SLC25A21: variants seen among roughly 807,000 people sequenced by gnomAD.
The protein encoded by SLC25A21 is solute carrier family 25 member 21.
A neutral mutation model predicts 43.8 loss-of-function variants in SLC25A21; 47 were observed. That is an observed-to-expected ratio of 1.07 (90% CI 0.85 to 1.37). The LOEUF (loss-of-function observed/expected upper bound fraction) is 1.37. SLC25A21 is among the 40% of genes most tolerant of loss of function. SLC25A21 has a pLI of 0.00. For missense variants in SLC25A21, 352 were observed against 350.2 expected (o/e 1.00, Z -0.04); for synonymous variants, 131 against 121.3 (o/e 1.08, Z -0.52).
At chr14:36,919,733 C>T (rs1360433826) in intron 1 of SLC25A21, among the ~76,000 whole-genome samples, 1 of 151,854 alleles carries the variant, frequency 6.6e-6, no homozygotes. Flanking sequence ...ACTCAAGAGG[C>T]TGAAGAACAG....
At chr14:37,099,744 T>A (rs1269656669) in intron 1 of SLC25A21, among the ~76,000 whole-genome samples, 1 of 152,148 alleles carries the variant, frequency 6.6e-6, no homozygotes, top group Non-Finnish European at 1.5e-5. Context: ...ATCTTTAACC[T>A]TCGCATTGAG....
chr14:37,150,240 C>G (rs1241880935), intron 1 of SLC25A21, among the ~76,000 whole-genome samples: 1 of 152,038 alleles, frequency 6.6e-6, no homozygotes, highest in East Asian at 1.9e-4. Context: ...CTTTGAAAAA[C>G]AAAATTATGG....
At chr14:36,929,576 G>A (rs951994524) in intron 1 of SLC25A21, among the ~76,000 whole-genome samples, 3 of 152,050 alleles carry the variant, frequency 2.0e-5, no homozygotes, top group African/African-American at 4.8e-5. Context: ...GATAGGAATC[G>A]CATGGTTCGA....
At chr14:36,869,017 TC>T (rs1890292748) in intron 2 of SLC25A21, among the ~76,000 whole-genome samples, 1 of 152,158 alleles carries the variant, frequency 6.6e-6, no homozygotes, top group Non-Finnish European at 1.5e-5. Context: ...CACCACCTTC[TC>T]CCTTTGTCCC....
At chr14:37,165,813 C>G (rs1964020481) in intron 1 of SLC25A21, among the ~76,000 whole-genome samples, 2 of 152,060 alleles carry the variant, frequency 1.3e-5, no homozygotes, top group Non-Finnish European at 2.9e-5. Flanking sequence ...TAAGAACTAC[C>G]CCGTGGTCTT....
intron 3 of SLC25A21, among the ~76,000 whole-genome samples, chr14:36,740,206 T>C (rs1217867040): frequency 2.6e-5 from 4 of 152,356 alleles, no homozygotes; most frequent in Non-Finnish European, 2.9e-5. Context: ...ATAAGGAAGC[T>C]GTGAGAACTA....
chr14:36,697,205 T>G (rs1363784912), intron 7 of SLC25A21, among the ~76,000 whole-genome samples: 1 of 152,246 alleles, frequency 6.6e-6, no homozygotes, highest in Non-Finnish European at 1.5e-5. Context: ...TCAGTTTCCA[T>G]GTACTTGTGC....
chr14:36,789,874 A>G (rs1463662166), intron 3 of SLC25A21, among the ~76,000 whole-genome samples: 1 of 108,906 alleles, frequency 9.2e-6, no homozygotes, highest in South Asian at 2.6e-4. Context: ...AAAATATATT[A>G]TATATTTATA....
intron 2 of SLC25A21, among the ~76,000 whole-genome samples, chr14:36,872,473 G>A (rs1176707207): frequency 6.6e-6 from 1 of 152,148 alleles, no homozygotes; most frequent in Admixed American, 6.5e-5. Flanking sequence ...CCACATGTGA[G>A]TCTGCTCCTG....
At chr14:37,166,950 C>A (rs1285068974) in intron 1 of SLC25A21, among the ~76,000 whole-genome samples, 1 of 152,042 alleles carries the variant, frequency 6.6e-6, no homozygotes, top group Non-Finnish European at 1.5e-5. Context: ...GTTAAGAAAA[C>A]CTGATGAATC....
intron 1 of SLC25A21, among the ~76,000 whole-genome samples, chr14:37,053,171 T>G (rs1240643755): frequency 1.3e-5 from 2 of 152,342 alleles, no homozygotes; most frequent in Non-Finnish European, 2.9e-5. Flanking sequence ...CAATGTTTTA[T>G]ATCCTATGAA....
At chr14:36,984,877 G>A (rs923715074) in intron 1 of SLC25A21, among the ~76,000 whole-genome samples, 1 of 151,620 alleles carries the variant, frequency 6.6e-6, no homozygotes, top group Non-Finnish European at 1.5e-5. Flanking sequence ...ACATGCTCAC[G>A]TATGTTTATT....
intron 7 of SLC25A21, among the ~76,000 whole-genome samples, chr14:36,708,695 C>A (rs1051384224): frequency 6.6e-6 from 1 of 151,344 alleles, no homozygotes; most frequent in African/African-American, 2.4e-5. Context: ...CCTCAGCCTG[C>A]AGAGTAGTTG....
intron 1 of SLC25A21, among the ~76,000 whole-genome samples, chr14:37,119,118 T>C (rs1371953785): frequency 2.0e-5 from 3 of 152,116 alleles, no homozygotes; most frequent in Non-Finnish European, 4.4e-5. Context: ...ACTGGCGCCA[T>C]GACAGTTTAC....
intron 1 of SLC25A21, among the ~76,000 whole-genome samples, chr14:36,933,214 T>C (rs942846640): frequency 8.5e-5 from 13 of 152,312 alleles, no homozygotes; most frequent in African/African-American, 3.1e-4. Context: ...ATATACAGTC[T>C]GTGTCTATAA....
At chr14:37,108,169 G>A (rs1384810485) in intron 1 of SLC25A21, among the ~76,000 whole-genome samples, 1 of 152,156 alleles carries the variant, frequency 6.6e-6, no homozygotes, top group African/African-American at 2.4e-5. Flanking sequence ...TAAATGTACG[G>A]TGCAGTATTT....
intron 1 of SLC25A21, among the ~76,000 whole-genome samples, chr14:37,063,726 A>T (rs1962000621): frequency 6.6e-6 from 1 of 152,136 alleles, no homozygotes; most frequent in South Asian, 2.1e-4. Flanking sequence ...GGCCTCCTGG[A>T]AGAAAAATCT....
chr14:36,983,318 C>T (rs1057414484), intron 1 of SLC25A21, among the ~76,000 whole-genome samples: 1 of 152,138 alleles, frequency 6.6e-6, no homozygotes, highest in African/African-American at 2.4e-5. Flanking sequence ...CATAGTCTTT[C>T]TGTTATGCTT....
chr14:36,926,520 T>C (rs1298053559), intron 1 of SLC25A21, among the ~76,000 whole-genome samples: 1 of 152,118 alleles, frequency 6.6e-6, no homozygotes, highest in Non-Finnish European at 1.5e-5. Flanking sequence ...AGGAACTTCT[T>C]AAGATGGAGT....
Sources: allele counts gnomAD v4.1 joint callset (sites outside exome capture counted in the v4.1 genomes callset), GRCh38; gene constraint gnomAD v4.1.1; transcripts MANE v1.5; gene names NCBI Gene and HGNC (gene_info 2026-07-23, HGNC 2026-07-21).